The following PHLPP1 variants were observed in gnomAD, a reference collection of about 807,000 sequenced individuals.
The protein encoded by PHLPP1 is PH domain and leucine rich repeat protein phosphatase 1.
Under a neutral mutation model 117.2 loss-of-function variants are expected in PHLPP1, and 42 were observed. The observed-to-expected ratio is 0.36, with a 90% confidence interval of 0.28 to 0.46. The LOEUF (loss-of-function observed/expected upper bound fraction) is 0.46, where lower values mean the gene tolerates loss of function less well. PHLPP1 is among the 20% of genes least tolerant of loss of function. The pLI is 1.00. For missense variants in PHLPP1, 2,084 were observed against 2,241.9 expected (o/e 0.93, Z 1.42); for synonymous variants, 1,042 against 970.7 (o/e 1.07, Z -1.37).
At chr18:62,937,394 A>T (rs893165104) in intron 10 of PHLPP1, among the ~76,000 whole-genome samples, 1 of 152,222 alleles carries the variant, frequency 6.6e-6, no homozygotes, top group Non-Finnish European at 1.5e-5. Context: ...TTGTTTTAAG[A>T]ATTGAGTTTG....
intron 10 of PHLPP1, among the ~76,000 whole-genome samples, chr18:62,941,441 C>T (rs996730763): frequency 2.0e-5 from 3 of 152,112 alleles, no homozygotes; most frequent in African/African-American, 4.8e-5. Flanking sequence ...TTCCACTCCC[C>T]GCCAACTATA....
At chr18:62,766,789 G>A (rs1320780048) in intron 1 of PHLPP1, among the ~76,000 whole-genome samples, 1 of 152,182 alleles carries the variant, frequency 6.6e-6, no homozygotes, top group African/African-American at 2.4e-5. Flanking sequence ...AAATAAGGGT[G>A]TTAAATATTG....
chr18:62,740,155 T>C (rs958042073), intron 1 of PHLPP1, among the ~76,000 whole-genome samples: 1 of 3,466 alleles, frequency 2.9e-4, no homozygotes, highest in Non-Finnish European at 5.1e-4. Context: ...TGTATGTGTT[T>C]GGGCGGGAGG....
chr18:62,894,915 G>A (rs2144398297), intron 4 of PHLPP1, 96 bp from the exon 5 acceptor site: 1 of 1,032,534 alleles, frequency 9.7e-7, no homozygotes, highest in East Asian at 2.6e-5. Flanking sequence ...AGTTGAATTT[G>A]GGAGTTGGGC....
At chr18:62,726,947 G>T (rs1911091413) in intron 1 of PHLPP1, among the ~76,000 whole-genome samples, 1 of 151,778 alleles carries the variant, frequency 6.6e-6, no homozygotes, top group African/African-American at 2.4e-5. Flanking sequence ...GGAAGGAGAG[G>T]CCGGGTGCGG....
Position 62,802,097 on chromosome 18 carries a change from G to T in PHLPP1, c.1577-27938G>T, listed in dbSNP as rs533177534. ...TGTGAGCACCCAGAGGCAAAGAAGG[G>T]CTAGAAGAATGAGCAGAGGGGGTTA... On this transcript the variant is annotated intron_variant, in intron 1 of 16. Coordinates refer to ENST00000262719, the MANE Select transcript of PHLPP1 (RefSeq NM_194449.4). Among the ~76,000 whole-genome samples the T allele has an allele frequency of 5.3e-5, 8 of 152,220 alleles. No individual in the cohort carries two copies. The South Asian group carries it at 1.7e-3, about 32-fold the overall frequency.
intron 3 of PHLPP1, among the ~76,000 whole-genome samples, chr18:62,849,832 A>AAAAAATATATATATAT (rs1555677083): frequency 6.0e-5 from 2 of 33,086 alleles, no homozygotes; most frequent in South Asian, 1.2e-3. Context: ...AAAAAAAAAA[A>AAAAAATATATATATAT]ATATATATAT....
intron 1 of PHLPP1, among the ~76,000 whole-genome samples, chr18:62,777,542 G>T (rs952943776): frequency 6.6e-6 from 1 of 150,808 alleles, no homozygotes; most frequent in African/African-American, 2.4e-5. Flanking sequence ...TATCTAAAGG[G>T]TGTTGTTTTG....
chr18:62,829,911 A>C, intron 1 of PHLPP1, 124 bp from the exon 2 acceptor site: 1 of 608,608 alleles, frequency 1.6e-6, no homozygotes, highest in South Asian at 2.9e-5. Flanking sequence ...ATTATAAATT[A>C]GATTGAATTT....
intron 1 of PHLPP1, among the ~76,000 whole-genome samples, chr18:62,776,839 A>G (rs1346143576): frequency 6.6e-6 from 1 of 152,012 alleles, no homozygotes; most frequent in Non-Finnish European, 1.5e-5. Flanking sequence ...CAATATCCTG[A>G]CCTTGTGATC....
intron 7 of PHLPP1, 21 bp downstream of exon 7, chr18:62,903,187 C>A: frequency 2.0e-6 from 3 of 1,521,850 alleles, no homozygotes; most frequent in South Asian, 1.1e-5. Flanking sequence ...TAGGCTACAT[C>A]AAAGTTGCTC....
At chr18:62,809,657 G>A (rs1914055112) in intron 1 of PHLPP1, among the ~76,000 whole-genome samples, 1 of 151,882 alleles carries the variant, frequency 6.6e-6, no homozygotes, top group Non-Finnish European at 1.5e-5. Context: ...AGCTGAGATT[G>A]CGCCACTGCA....
chr18:62,785,498 A>G (rs1177735905), intron 1 of PHLPP1, among the ~76,000 whole-genome samples: 1 of 152,198 alleles, frequency 6.6e-6, no homozygotes, highest in African/African-American at 2.4e-5. Flanking sequence ...AGATTGATCT[A>G]CCTAGATTGT....
At chr18:62,844,832 G>A (rs1915141098) in intron 3 of PHLPP1, among the ~76,000 whole-genome samples, 1 of 152,204 alleles carries the variant, frequency 6.6e-6, no homozygotes. Context: ...CATATTGTGA[G>A]CTACGCTTTT....
intron 6 of PHLPP1, among the ~76,000 whole-genome samples, chr18:62,897,571 A>G (rs1222063434): frequency 1.3e-5 from 2 of 152,118 alleles, no homozygotes; most frequent in Non-Finnish European, 2.9e-5. Flanking sequence ...CAGTGGCATG[A>G]TCTCAGCTCA....
chr18:62,916,747 CTTTTTTTTTTTT>C (rs10538704), intron 9 of PHLPP1, among the ~76,000 whole-genome samples: 4 of 71,090 alleles, frequency 5.6e-5, no homozygotes, highest in East Asian at 4.5e-4. Flanking sequence ...TCCTTCTATT[CTTTTTTTTTTTT>C]TTTTTTTTTT....
In PHLPP1 at chr18:62,716,735, G is replaced by T; in HGVS notation, c.1052G>T (p.Ser351Ile). The change falls in exon 1 of 17, where the codon AGT (serine) becomes ATT (isoleucine). Residue 351 changes from serine to isoleucine, a missense_variant. By Grantham distance (142) the Ser-to-Ile change is moderately radical. This residue lies in a region of PHLPP1 where 719 missense variants were observed against 636.0 expected (regional missense o/e 1.13). Transcript: ENST00000262719. The surrounding 1 kb of genome is among the most constrained non-coding windows in gnomAD (Gnocchi z 5.7). ...RPVVSDTESF[S>I]LSPSAESVSD... ...GTGGTCTCCGACACCGAGAGCTTCA[G>T]TCTGAGTCCCAGCGCCGAGAGCGTG... 1.3e-6 allele frequency: 2 copies of T among 1,514,550 alleles called. No individual in the cohort carries two copies. The highest frequency in any genetic ancestry group is 1.8e-6 in the Non-Finnish European group (2 of 1,136,910). The allele number at this position is 1,514,550 out of a possible 1,614,324, so 93.8% of individuals were successfully genotyped here.
intron 2 of PHLPP1, among the ~76,000 whole-genome samples, chr18:62,835,118 CCTTTT>C (rs944976694): frequency 2.6e-5 from 4 of 151,676 alleles, no homozygotes; most frequent in African/African-American, 9.7e-5. Context: ...CAGGTTTCTT[CCTTTT>C]CTTTGTCTTA....
chr18:62,883,768 C>T (rs987042107), intron 4 of PHLPP1, among the ~76,000 whole-genome samples: 1 of 152,116 alleles, frequency 6.6e-6, no homozygotes, highest in African/African-American at 2.4e-5. Context: ...ATATACTGTA[C>T]ATTATGTAAC....
Sources: gnomAD v4.1 joint callset for allele counts (sites outside exome capture counted in the v4.1 genomes callset) on GRCh38, gnomAD v4.1.1 for gene constraint, gnomAD v4.1.1 regional missense constraint, Gnocchi (gnomAD v3.1) non-coding constraint, MANE v1.5 for transcripts, NCBI Gene and HGNC (gene_info 2026-07-23, HGNC 2026-07-21) for gene names.